The following PCDH11X variants were observed in gnomAD, a reference collection of about 807,000 sequenced individuals.
PCDH11X encodes protocadherin-11 X-linked.
Under a neutral mutation model 53.3 loss-of-function variants are expected in PCDH11X, and 18 were observed. That is an observed-to-expected ratio of 0.34 (90% CI 0.23 to 0.50). The LOEUF is 0.50. Ranked by LOEUF, PCDH11X falls within the 20% of genes least tolerant of loss-of-function variation. PCDH11X has a pLI of 0.98. For missense variants in PCDH11X, 570 were observed against 1,032.4 expected (o/e 0.55, Z 6.14); for synonymous variants, 279 against 393.3 (o/e 0.71, Z 3.44).
chrX:91,942,755 CA>C (rs1207769229), intron 6 of PCDH11X, among the ~76,000 whole-genome samples: 2 of 109,718 alleles, frequency 1.8e-5, no homozygotes, highest in East Asian at 5.8e-4. Flanking sequence ...ACTAAAAATC[CA>C]AAAGAAAAAA....
In PCDH11X at chrX:91,834,246, AG is replaced by A. The variant is rs762052431; in HGVS notation, c.-44-1214del. Among the ~76,000 whole-genome samples the A allele has an allele frequency of 3.6e-5, 4 of 111,602 alleles. No homozygotes were observed. In the East Asian group the frequency reaches 1.1e-3, roughly 31 times the overall value. ...TTGAGAATAAATAAAATAGAGAATA[AG>A]AATTGAGAATTACGAAAGGAAACTG... On this transcript the variant is annotated intron_variant, in intron 4 of 10. Coordinates refer to ENST00000682573, the MANE Select transcript of PCDH11X (RefSeq NM_032968.5).
At chrX:92,245,167 G>C (rs1451501976) in intron 7 of PCDH11X, among the ~76,000 whole-genome samples, 1 of 112,707 alleles carries the variant, frequency 8.9e-6, no homozygotes, top group East Asian at 2.8e-4. Context: ...GACGCCTGAG[G>C]CGGATGAGCC....
At chrX:92,544,186 A>T (rs181745308) in intron 10 of PCDH11X, among the ~76,000 whole-genome samples, 1,980 of 111,536 alleles carry the variant, frequency 0.018, 53 homozygotes, top group African/African-American at 0.061. Flanking sequence ...CTTCTTGAGC[A>T]TGATTCACAC....
At chrX:92,153,592 T>G (rs915087352) in intron 6 of PCDH11X, among the ~76,000 whole-genome samples, 1 of 111,287 alleles carries the variant, frequency 9.0e-6, no homozygotes, top group African/African-American at 3.3e-5. Context: ...TTTTTTATGT[T>G]GCCTGTATGT....
intron 6 of PCDH11X, among the ~76,000 whole-genome samples, chrX:92,086,075 C>G (rs2063945370): frequency 9.0e-6 from 1 of 111,397 alleles, no homozygotes. Context: ...TTCACCTGCT[C>G]ATTTTGGCTT....
At chrX:91,804,735 G>T (rs2147546985) in intron 1 of PCDH11X, among the ~76,000 whole-genome samples, 1 of 110,815 alleles carries the variant, frequency 9.0e-6, no homozygotes, top group East Asian at 2.9e-4. Context: ...GTTTAAAAAT[G>T]GTTCATATAA....
intron 8 of PCDH11X, among the ~76,000 whole-genome samples, chrX:92,343,961 C>T (rs779423740): frequency 1.8e-5 from 2 of 109,486 alleles, no homozygotes; most frequent in East Asian, 3.1e-4. Context: ...GTTATACAAA[C>T]GTTTTTTTTT....
At chrX:91,969,815 A>G (rs1199553819) in intron 6 of PCDH11X, among the ~76,000 whole-genome samples, 3 of 108,654 alleles carry the variant, frequency 2.8e-5, no homozygotes, top group Non-Finnish European at 5.7e-5. Flanking sequence ...AAAAAAGGAA[A>G]AAAGAAAAAA....
At chrX:91,823,541 A>C (rs1205506020) in intron 4 of PCDH11X, among the ~76,000 whole-genome samples, 2 of 110,710 alleles carry the variant, frequency 1.8e-5, no homozygotes, top group Non-Finnish European at 3.8e-5. Context: ...ATCTTCCTCT[A>C]TCCTTTTATT....
rs931482352 is a variant in PCDH11X, at chrX:91,964,789, T to C, written c.3033+85516T>C. On this transcript the variant is annotated intron_variant, in intron 6 of 10. Transcript: ENST00000682573. ...GCTGTGCCTCTCTGGCCTAGCAACA[T>C]GTGGTGTCAGATGATCTTTAATGAC... Among the ~76,000 whole-genome samples, 32 of 111,660 alleles carry C rather than the reference T, an allele frequency of 2.9e-4. 1 individual carries two copies. The highest frequency in any genetic ancestry group is 4.2e-3 in the Middle Eastern group (1 of 236).
At chrX:91,825,549 G>A (rs1437391727) in intron 4 of PCDH11X, among the ~76,000 whole-genome samples, 10 of 111,385 alleles carry the variant, frequency 9.0e-5, no homozygotes, top group East Asian at 2.9e-4. Flanking sequence ...CACGGTGCGC[G>A]CACCCACTGA....
intron 6 of PCDH11X, among the ~76,000 whole-genome samples, chrX:92,014,271 G>A (rs1182010957): frequency 3.6e-5 from 4 of 111,872 alleles, no homozygotes; most frequent in Non-Finnish European, 5.6e-5. Flanking sequence ...GCAGCCAACA[G>A]ACACATGAAA....
intron 10 of PCDH11X, among the ~76,000 whole-genome samples, chrX:92,509,620 T>A: frequency 8.9e-6 from 1 of 111,822 alleles, no homozygotes; most frequent in Non-Finnish European, 1.9e-5. Flanking sequence ...GTCTCAGTAA[T>A]ATTTTGCTTA....
chrX:92,495,400 T>G (rs2073843579), intron 10 of PCDH11X, among the ~76,000 whole-genome samples: 1 of 110,435 alleles, frequency 9.1e-6, no homozygotes, highest in Non-Finnish European at 1.9e-5. Context: ...TCAATTTTTT[T>G]TTTTTGTAAT....
intron 6 of PCDH11X, among the ~76,000 whole-genome samples, chrX:92,150,001 T>C (rs901548965): frequency 8.9e-6 from 1 of 112,174 alleles, no homozygotes; most frequent in Non-Finnish European, 1.9e-5. Flanking sequence ...CATTCATCCA[T>C]TGATAGGCAT....
chrX:92,437,166 A>G (rs1257159956), intron 9 of PCDH11X, among the ~76,000 whole-genome samples: 1 of 110,510 alleles, frequency 9.0e-6, no homozygotes, highest in Non-Finnish European at 1.9e-5. Flanking sequence ...TGAAAATATG[A>G]AGTGGCAAGG....
chrX:92,375,166 A>ATATATTTT, intron 8 of PCDH11X, among the ~76,000 whole-genome samples: 2 of 8,259 alleles, frequency 2.4e-4, no homozygotes, highest in African/African-American at 1.2e-3. Flanking sequence ...ATATATATAT[A>ATATATTTT]TTTTTTTTTT....
chrX:92,293,558 G>A lies in PCDH11X; in HGVS notation c.3144+30415G>A, dbSNP rs1170308022. ...AGAATGGAGTGAACCAGGAGGCGGA[G>A]CTGGCAGTAAGCCGAGATCGCGCCA... is the stretch of plus-strand genomic sequence containing the variant. On this transcript the variant is annotated intron_variant, in intron 8 of 10. Transcript: ENST00000682573. Among the ~76,000 whole-genome samples the A allele has an allele frequency of 1.2e-4, 13 of 106,760 alleles. 1 individual carries two copies. The highest frequency in any genetic ancestry group is 4.2e-4 in the African/African-American group (12 of 28,365). The allele number at this position is 106,760 out of a possible 115,157, so 92.7% of individuals were successfully genotyped here. A position where few individuals can be genotyped will look rare whatever the true frequency, so the allele number is the denominator to read the frequency against.
chrX:92,093,105 A>C (rs2064076655), intron 6 of PCDH11X, among the ~76,000 whole-genome samples: 1 of 111,261 alleles, frequency 9.0e-6, no homozygotes. Context: ...AGAAGCCACT[A>C]TGCTTCTTAT....
Sources: allele counts gnomAD v4.1 joint callset (sites outside exome capture counted in the v4.1 genomes callset), GRCh38; gene constraint gnomAD v4.1.1; transcripts MANE v1.5; gene names NCBI Gene and HGNC (gene_info 2026-07-23, HGNC 2026-07-21).